Variants in KDM2A observed in about 807,000 individuals in gnomAD.
KDM2A encodes the protein lysine-specific demethylase 2A.
Under a neutral mutation model 137.3 loss-of-function variants are expected in KDM2A, and 3 were observed. The observed-to-expected ratio is 0.02, with a 90% CI of 0.01 to 0.06. The LOEUF (loss-of-function observed/expected upper bound fraction) is 0.06, where lower values mean the gene tolerates loss of function less well. KDM2A is among the 10% of genes least tolerant of loss of function. The pLI, the probability that KDM2A is intolerant of heterozygous loss-of-function variation, is 1.00. For synonymous variants in KDM2A, 512 were observed against 541.5 expected (o/e 0.95, Z 0.76); for missense variants, 738 against 1,510.6 (o/e 0.49, Z 8.48).
Position 67,126,017 on chromosome 11 carries a change from G to A in KDM2A, c.42+4659G>A, listed in dbSNP as rs1390124428. 4.6e-5 allele frequency among the ~76,000 whole-genome samples: 7 copies of A among 150,560 alleles called. No individual in the cohort carries two copies. The East Asian group carries it at 1.4e-3, about 30-fold the overall frequency. ...TCCCAGCACTTCGGGAGGCTGAGGC[G>A]GGTGGATCACCTGAGGTCGGGAGAT... On this transcript the variant is annotated intron_variant, in intron 2 of 20. Coordinates refer to ENST00000529006, the MANE Select transcript of KDM2A (RefSeq NM_012308.3).
At chr11:67,223,002 G>A (rs1565411834) in intron 10 of KDM2A, among the ~76,000 whole-genome samples, 1 of 151,782 alleles carries the variant, frequency 6.6e-6, no homozygotes, top group Non-Finnish European at 1.5e-5. Context: ...AGACCAGCGT[G>A]AGCAACATGA....
chr11:67,153,989 CTAAGAA>C (rs1287267223), intron 2 of KDM2A, among the ~76,000 whole-genome samples: 1 of 152,084 alleles, frequency 6.6e-6, no homozygotes, highest in East Asian at 1.9e-4. Flanking sequence ...GCTGCCTCTC[CTAAGAA>C]TAAGAACATG....
intron 2 of KDM2A, among the ~76,000 whole-genome samples, chr11:67,138,131 T>C (rs370647147): frequency 1.7e-4 from 26 of 152,278 alleles, no homozygotes; most frequent in African/African-American, 6.0e-4. Flanking sequence ...CCGTCACATA[T>C]ACAGTTGTTG....
At chr11:67,165,322 A>G (rs1032037533) in intron 2 of KDM2A, among the ~76,000 whole-genome samples, 4 of 151,948 alleles carry the variant, frequency 2.6e-5, no homozygotes, top group Non-Finnish European at 5.9e-5. Flanking sequence ...AGGTTTCTCC[A>G]TGCTGGTCAG....
At chr11:67,200,460 G>A (rs1200206358) in intron 5 of KDM2A, among the ~76,000 whole-genome samples, 2 of 151,956 alleles carry the variant, frequency 1.3e-5, no homozygotes, top group South Asian at 2.1e-4. Flanking sequence ...CTCATGATCC[G>A]CCCGCCTCAG....
chr11:67,181,307 C>A lies in KDM2A; in HGVS notation c.182-13C>A. On this transcript the variant is annotated splice_polypyrimidine_tract_variant and intron_variant, in intron 3 of 20. Coordinates refer to ENST00000529006, the MANE Select transcript of KDM2A (RefSeq NM_012308.3). ...ATACCACTTATCTTTCTAATATTTT[C>A]CTATGGTGACAGATTTTAATGTAGA... 1 of 1,567,314 alleles carries A rather than the reference C, an allele frequency of 6.4e-7. No homozygotes were observed. The highest frequency in any genetic ancestry group is 8.8e-7 in the Non-Finnish European group (1 of 1,142,032).
chr11:67,217,009 C>T (rs901363227), intron 8 of KDM2A, among the ~76,000 whole-genome samples: 2 of 151,976 alleles, frequency 1.3e-5, no homozygotes, highest in African/African-American at 4.8e-5. Context: ...TTTGGGAGGC[C>T]AAGGTGGGTG....
At chr11:67,240,403 T>C (rs1173446038) in intron 12 of KDM2A, 1 of 1,518,342 alleles carries the variant, frequency 6.6e-7, no homozygotes, top group Non-Finnish European at 8.8e-7. Flanking sequence ...CTTTCTGGTT[T>C]GGGGTGCGTG....
Position 67,226,784 on chromosome 11 carries a change from A to G in KDM2A, c.958-1253A>G, listed in dbSNP as rs1858559453. ...TCAAAGAGCATGTTTATGTAAAATT[A>G]AATGAGCACTGGCCGCGAGCTGCTC... On this transcript the variant is annotated intron_variant, in intron 10 of 20. Transcript: ENST00000529006. Among the ~76,000 whole-genome samples, 4 of 152,270 alleles carry G rather than the reference A, an allele frequency of 2.6e-5. No homozygotes were observed. In the South Asian group the frequency reaches 8.3e-4, roughly 32 times the overall value.
At chr11:67,156,636 G>A (rs977280928) in intron 2 of KDM2A, among the ~76,000 whole-genome samples, 10 of 150,470 alleles carry the variant, frequency 6.6e-5, no homozygotes, top group African/African-American at 1.7e-4. Context: ...GGAGAATGGC[G>A]TGAACCCGGG....
chr11:67,169,674 C>T (rs1321067846), intron 2 of KDM2A, among the ~76,000 whole-genome samples: 1 of 151,556 alleles, frequency 6.6e-6, no homozygotes, highest in African/African-American at 2.4e-5. Flanking sequence ...CTGCGCTCAG[C>T]CCATCACTTG....
chr11:67,172,416 G>A (rs890224026), intron 2 of KDM2A, among the ~76,000 whole-genome samples: 1 of 152,078 alleles, frequency 6.6e-6, no homozygotes, highest in African/African-American at 2.4e-5. Flanking sequence ...ATGAACACAG[G>A]ACATTTTTCT....
intron 2 of KDM2A, among the ~76,000 whole-genome samples, chr11:67,128,010 T>A (rs1460877675): frequency 2.2e-5 from 2 of 89,960 alleles, no homozygotes; most frequent in East Asian, 5.0e-4. Flanking sequence ...ACACCCGGCC[T>A]TTTTTTTTTT....
At position 67,247,067 on chromosome 11, in the gene KDM2A, A is replaced by AT. The variant is rs1224405381; in HGVS notation, c.1965+952dup. Among the ~76,000 whole-genome samples the AT allele has an allele frequency of 7.1e-3, 195 of 27,490 alleles. 1 individual carries two copies. The highest frequency in any genetic ancestry group is 0.021 in the African/African-American group (142 of 6,756). 18.0% of individuals were successfully genotyped at this position (27,490 alleles called of 152,430 possible). On this transcript the variant is annotated intron_variant, in intron 15 of 20. Coordinates refer to ENST00000529006, the MANE Select transcript of KDM2A (RefSeq NM_012308.3). ...TATATATATATATATATATATATATATATATTTTTTTTTTTTTTTTTTTTT... is the reference window on the plus strand; with the variant it reads ...TATATATATATATATATATATATATATTATATTTTTTTTTTTTTTTTTTTTT...
chr11:67,238,965 C>T (rs1373894399), intron 12 of KDM2A, among the ~76,000 whole-genome samples: 2 of 152,284 alleles, frequency 1.3e-5, no homozygotes, highest in Non-Finnish European at 2.9e-5. Context: ...TGTGTTCAGT[C>T]TGAGCTTCAT....
chr11:67,214,925 T>C (rs1171414756), intron 6 of KDM2A, among the ~76,000 whole-genome samples: 2 of 152,226 alleles, frequency 1.3e-5, no homozygotes, highest in African/African-American at 4.8e-5. Context: ...TTTTTTGGCC[T>C]AACTTTTGGC....
At chr11:67,241,147 G>A (rs185582354) in intron 12 of KDM2A, among the ~76,000 whole-genome samples, 3 of 152,122 alleles carry the variant, frequency 2.0e-5, no homozygotes, top group Non-Finnish European at 4.4e-5. Flanking sequence ...CCTACTCTTC[G>A]TCAGTGCGAA....
Position 67,245,944 on chromosome 11 carries a change from CTGAGTCAGTTCTCT to C in KDM2A, c.1834-38_1834-25del. 6.2e-7 allele frequency: 1 copy of C among 1,609,122 alleles called. No homozygotes were observed. On this transcript the variant is annotated intron_variant, in intron 14 of 20. Transcript: ENST00000529006. This position sits in a 1 kb window ranked among gnomAD's most constrained non-coding sequence, Gnocchi z 4.1. ...TAAGGGAAACTGAAATGATAAAGAT[CTGAGTCAGTTCTCT>C]TGGATTCTATCTTTGTCCTCTTGTA...
chr11:67,203,450 A>T, intron 5 of KDM2A, among the ~76,000 whole-genome samples: 1 of 23,292 alleles, frequency 4.3e-5, no homozygotes, highest in African/African-American at 1.5e-4. Context: ...TATTAATATA[A>T]TTATATTTAT....
Sources: allele counts gnomAD v4.1 joint callset (sites outside exome capture counted in the v4.1 genomes callset), GRCh38; gene constraint gnomAD v4.1.1; non-coding constraint Gnocchi (gnomAD v3.1); transcripts MANE v1.5; gene names NCBI Gene and HGNC (gene_info 2026-07-23, HGNC 2026-07-21).